Variants in ARMCX4 observed in about 807,000 individuals in gnomAD.
ARMCX4 encodes armadillo repeat containing X-linked 4, also known as armadillo repeat-containing X-linked protein 4.
Under a neutral mutation model 34.7 loss-of-function variants are expected in ARMCX4, and 3 were observed. The ratio of observed to expected loss-of-function variants is 0.09; its 90% confidence interval spans 0.04 to 0.22. The LOEUF (loss-of-function observed/expected upper bound fraction) is 0.22. ARMCX4 is among the 10% of genes least tolerant of loss of function. The pLI, the probability that ARMCX4 is intolerant of heterozygous loss-of-function variation, is 1.00. For synonymous variants in ARMCX4, 513 were observed against 632.8 expected (o/e 0.81, Z 2.84); for missense variants, 1,448 against 1,720.8 (o/e 0.84, Z 2.81).
intron 11 of ARMCX4, among the ~76,000 whole-genome samples, chrX:101,527,622 G>C (rs1387047192): frequency 4.5e-5 from 5 of 111,274 alleles, no homozygotes; most frequent in Non-Finnish European, 9.4e-5. Context: ...GAATCAAATA[G>C]ATGCAATAAA....
rs61732101 is a variant in ARMCX4 at position 101,418,370 on chromosome X, G to T, written n.73G>T. 0.056 allele frequency: 6,316 copies of T among 112,264 alleles called. 196 individuals carry two copies. Among genetic ancestry groups the T allele is most frequent in the African/African-American group, 0.12 (3,829 of 30,761 alleles). 9.3% of individuals were successfully genotyped at this position (112,264 alleles called of 1,213,427 possible). On this transcript the variant is annotated splice_region_variant and non_coding_transcript_exon_variant, in exon 1 of 4. Transcript: ENST00000430461. ...GTGGTCAGCGTGGCGAATGACGGAA[G>T]GTGGCGAGGGAGAGGAAGAGGGGTC... is the stretch of plus-strand genomic sequence containing the variant.
intron 4 of ARMCX4, among the ~76,000 whole-genome samples, chrX:101,456,062 C>T (rs1397006523): frequency 2.7e-5 from 3 of 111,387 alleles, no homozygotes; most frequent in Non-Finnish European, 3.8e-5. Flanking sequence ...TCCAGTCCAC[C>T]GTTGGTGGGC....
upstream of ARMCX4, among the ~76,000 whole-genome samples, chrX:101,483,169 C>T (rs782602042): frequency 2.7e-5 from 3 of 109,712 alleles, no homozygotes; most frequent in East Asian, 8.5e-4. Flanking sequence ...GCTGGGATTA[C>T]AGGTGTGAGC....
At position 101,489,702 on chromosome X, in the gene ARMCX4, G is replaced by A. The variant is rs189270367; in HGVS notation, c.1113G>A (p.Glu371=). Residue 371 remains glutamate (E), a synonymous_variant, in exon 6 of 6, where the codon GAG becomes GAA. Transcript: ENST00000423738. ...QPQTVAKKQA[E]VTSGARVDGR... ...AGACTGTGGCCAAGAAACAGGCTGA[G>A]GTGACGTCTGGTGCCAGGGTTGATG... 781 of 1,152,141 alleles carry A rather than the reference G, an allele frequency of 6.8e-4. 6 individuals carry two copies. The African/African-American group carries it at 0.012, about 18-fold the overall frequency. The allele number at this position is 1,152,141 out of a possible 1,213,427, so 94.9% of individuals were successfully genotyped here.
At chrX:101,423,258 A>G (rs782468325) in intron 2 of ARMCX4, among the ~76,000 whole-genome samples, 22 of 110,565 alleles carry the variant, frequency 2.0e-4, no homozygotes, top group East Asian at 8.7e-4. Flanking sequence ...CATTCAAACC[A>G]TGGTAGTCTT....
chrX:101,510,050 T>C (rs1236240320), intron 10 of ARMCX4, among the ~76,000 whole-genome samples: 3 of 111,825 alleles, frequency 2.7e-5, no homozygotes, highest in African/African-American at 9.8e-5. Flanking sequence ...TCCACTCAGT[T>C]CCCCTTTTCC....
chrX:101,430,053 C>T (rs1328062380), intron 2 of ARMCX4, among the ~76,000 whole-genome samples: 1 of 111,562 alleles, frequency 9.0e-6, no homozygotes, highest in Non-Finnish European at 1.9e-5. Flanking sequence ...AGGTCTGGCA[C>T]TGACAAATGT....
At chrX:101,478,823 A>G (rs1373458756) in intron 4 of ARMCX4, among the ~76,000 whole-genome samples, 1 of 112,016 alleles carries the variant, frequency 8.9e-6, no homozygotes. Context: ...ACAACATTAT[A>G]GAATAAATTA....
intron 2 of ARMCX4, among the ~76,000 whole-genome samples, chrX:101,420,670 A>C (rs1929184481): frequency 8.9e-6 from 1 of 112,354 alleles, no homozygotes; most frequent in Non-Finnish European, 1.9e-5. Flanking sequence ...GTGGCTAATT[A>C]GATTGGAGGT....
At chrX:101,463,336 C>T (rs781973582) in intron 4 of ARMCX4, among the ~76,000 whole-genome samples, 4 of 111,991 alleles carry the variant, frequency 3.6e-5, no homozygotes, top group Admixed American at 9.5e-5. Context: ...TGCAAGGCTC[C>T]TCATCCCATG....
downstream of ARMCX4, chrX:101,498,529 T>C (rs782029116): frequency 2.7e-4 from 32 of 120,253 alleles, no homozygotes; most frequent in Non-Finnish European, 4.8e-4. Flanking sequence ...CAGATTGAGC[T>C]CTGGAAAAGA....
chrX:101,421,807 GTCTCACCTCTTAATACTATTAC>G (rs1555990151), intron 2 of ARMCX4, among the ~76,000 whole-genome samples: 2 of 110,203 alleles, frequency 1.8e-5, no homozygotes, highest in Non-Finnish European at 3.8e-5. Flanking sequence ...CCTCTTAAAA[GTCTCACCTCTTAATACTATTAC>G]TGCAACCGCC....
At chrX:101,496,655 A>G (rs1406039988), downstream of ARMCX4, among the ~76,000 whole-genome samples, 5 of 111,647 alleles carry the variant, frequency 4.5e-5, no homozygotes, top group Admixed American at 3.8e-4. Context: ...CTTGTATCAG[A>G]TTTCCTTTAT....
chrX:101,532,330 G>T (rs1439111082), intron 12 of ARMCX4: 1 of 111,297 alleles, frequency 9.0e-6, no homozygotes, highest in Non-Finnish European at 1.9e-5. Context: ...ACAACCTTGG[G>T]CTCTTAGGTA....
exon 9 of ARMCX4, chrX:101,509,407 C>A (rs1409578208): frequency 9.0e-6 from 1 of 111,271 alleles, no homozygotes; most frequent in African/African-American, 3.3e-5. Context: ...ATATGCAAAG[C>A]ACACTTCTGA....
At chrX:101,458,295 C>T (rs782647182) in intron 4 of ARMCX4, among the ~76,000 whole-genome samples, 1 of 111,211 alleles carries the variant, frequency 9.0e-6, no homozygotes, top group Admixed American at 9.6e-5. Flanking sequence ...TTGACACAAC[C>T]CCACTAGCCC....
At chrX:101,498,193 C>G (rs1397357341), downstream of ARMCX4, 1 of 328,627 alleles carries the variant, frequency 3.0e-6, no homozygotes, top group Non-Finnish European at 5.9e-6. Flanking sequence ...ATGCTGAACT[C>G]TATCTCTGGG....
At chrX:101,433,294 A>G (rs190712097) in intron 2 of ARMCX4, among the ~76,000 whole-genome samples, 3 of 106,196 alleles carry the variant, frequency 2.8e-5, no homozygotes, top group South Asian at 4.0e-4. Flanking sequence ...ACATATACAT[A>G]TATGTACCTA....
chrX:101,431,863 C>T (rs781849862), intron 2 of ARMCX4, among the ~76,000 whole-genome samples: 7 of 112,222 alleles, frequency 6.2e-5, no homozygotes, highest in Non-Finnish European at 1.1e-4. Flanking sequence ...TTCTTAAAGG[C>T]ATATATAGTG....
Sources: allele counts gnomAD v4.1 joint callset (sites outside exome capture counted in the v4.1 genomes callset), GRCh38; gene constraint gnomAD v4.1.1; transcripts MANE v1.5; gene names NCBI Gene and HGNC (gene_info 2026-07-23, HGNC 2026-07-21).